The following VPS13B variants were observed in gnomAD, a reference collection of about 807,000 sequenced individuals.
VPS13B encodes the protein intermembrane lipid transfer protein VPS13B.
A neutral mutation model predicts 426.4 loss-of-function variants in VPS13B; 285 were observed. The observed-to-expected ratio is 0.67, with a 90% CI of 0.61 to 0.74. The LOEUF is 0.74. Among genes scored for constraint, VPS13B ranks in the 30% least tolerant of loss-of-function variants. The pLI is 0.00. For synonymous variants in VPS13B, 1,676 were observed against 1,676.4 expected (o/e 1.00, Z 0.01); for missense variants, 4,537 against 4,782.6 (o/e 0.95, Z 1.51).
intron 2 of VPS13B, among the ~76,000 whole-genome samples, chr8:99,025,284 T>C (rs1317241687): frequency 1.3e-5 from 2 of 152,168 alleles, no homozygotes; most frequent in East Asian, 3.8e-4. Context: ...AAAATTTTTT[T>C]CCCTTGCTTA....
intron 31 of VPS13B, among the ~76,000 whole-genome samples, chr8:99,565,811 A>G (rs976002578): frequency 2.0e-5 from 3 of 152,204 alleles, no homozygotes; most frequent in Non-Finnish European, 2.9e-5. Context: ...GAGGACGTCA[A>G]GCTAAGACCT....
At chr8:99,341,938 A>G (rs1279327140) in intron 19 of VPS13B, among the ~76,000 whole-genome samples, 2 of 152,206 alleles carry the variant, frequency 1.3e-5, no homozygotes, top group Middle Eastern at 3.2e-3. Flanking sequence ...TGGGGCTGGG[A>G]GAGTTTTCCA....
chr8:99,491,477 C>T (rs1222764143), intron 25 of VPS13B, among the ~76,000 whole-genome samples: 1 of 152,164 alleles, frequency 6.6e-6, no homozygotes, highest in Non-Finnish European at 1.5e-5. Context: ...ATTCCATTTT[C>T]CCCATACCTT....
At chr8:99,270,456 A>C (rs967707608) in intron 17 of VPS13B, among the ~76,000 whole-genome samples, 27 of 151,978 alleles carry the variant, frequency 1.8e-4, no homozygotes, top group Non-Finnish European at 3.4e-4. Context: ...TTATCAGAAG[A>C]TGTTTCAGAT....
intron 33 of VPS13B, among the ~76,000 whole-genome samples, chr8:99,640,010 T>TAAGAAGAAG (rs1459641340): frequency 5.4e-4 from 39 of 72,544 alleles, no homozygotes; most frequent in African/African-American, 1.8e-3. Context: ...ATAATAATAA[T>TAAGAAGAAG]AATAATAATA....
At chr8:99,700,419 G>A (rs937806872) in intron 36 of VPS13B, among the ~76,000 whole-genome samples, 3 of 152,232 alleles carry the variant, frequency 2.0e-5, no homozygotes, top group Non-Finnish European at 4.4e-5. Flanking sequence ...TGATTCTGAT[G>A]CACAGCATTA....
Position 99,828,394 on chromosome 8 carries a change from G to GCTTTTTTTTTTTTTTTTTTTTTTTTTTT in VPS13B, c.9331-3975_9331-3974insCTTTTTTTTTTTTTTTTTTTTTTTTTTT. On this transcript the variant is annotated intron_variant, in intron 51 of 61. Coordinates refer to ENST00000357162, the MANE Select transcript of VPS13B (RefSeq NM_152564.5). ...ATCAGAGACTAGGATTACAACCACC[G>GCTTTTTTTTTTTTTTTTTTTTTTTTTTT]TTTTTTTTTTTTTTTTTTTTTTTTT... Among the ~76,000 whole-genome samples the GCTTTTTTTTTTTTTTTTTTTTTTTTTTT allele has an allele frequency of 1.1e-4, 2 of 17,424 alleles. 1 individual carries two copies. The highest frequency in any genetic ancestry group is 2.1e-4 in the Non-Finnish European group (2 of 9,574). 11.4% of individuals were successfully genotyped at this position (17,424 alleles called of 152,430 possible). A position where few individuals can be genotyped will look rare whatever the true frequency, so the allele number is the denominator to read the frequency against.
At chr8:99,201,216 CTGAATT>C (rs568785243) in intron 17 of VPS13B, among the ~76,000 whole-genome samples, 232 of 152,062 alleles carry the variant, frequency 1.5e-3, no homozygotes, top group African/African-American at 5.2e-3. Flanking sequence ...TGTATCTGAC[CTGAATT>C]AAACTGTTAC....
intron 17 of VPS13B, among the ~76,000 whole-genome samples, chr8:99,209,942 G>T (rs1421245962): frequency 1.3e-5 from 2 of 152,002 alleles, no homozygotes; most frequent in Admixed American, 6.6e-5. Context: ...TGTAGGTTCT[G>T]TGGGTCTAAA....
intron 3 of VPS13B, among the ~76,000 whole-genome samples, chr8:99,054,631 G>A (rs1843735067): frequency 6.6e-6 from 1 of 152,066 alleles, no homozygotes; most frequent in Non-Finnish European, 1.5e-5. Flanking sequence ...AGAGTTCATT[G>A]CTTTATCTAA....
intron 2 of VPS13B, among the ~76,000 whole-genome samples, chr8:99,026,057 G>C (rs1842123288): frequency 6.6e-6 from 1 of 151,700 alleles, no homozygotes. Context: ...TGTTTGTTTT[G>C]TTCTTGCTTT....
At chr8:99,310,997 C>G (rs1337270393) in intron 19 of VPS13B, among the ~76,000 whole-genome samples, 1 of 152,170 alleles carries the variant, frequency 6.6e-6, no homozygotes, top group East Asian at 1.9e-4. Flanking sequence ...GTTTGTATTT[C>G]TGTGGGATCG....
chr8:99,414,170 C>G (rs1332116252), intron 21 of VPS13B, among the ~76,000 whole-genome samples: 1 of 151,516 alleles, frequency 6.6e-6, no homozygotes, highest in African/African-American at 2.4e-5. Flanking sequence ...TATGTAATGC[C>G]CTTCTTTGTC....
In VPS13B at chr8:99,859,269, G is replaced by A. The variant is rs1175207282; in HGVS notation, c.10868-35G>A. ...CAAATGTTGAAAGTTCTGCATTTGA[G>A]GTTTCAATCACCCCTTCCCTCTTGT... On this transcript the variant is annotated intron_variant, in intron 56 of 61. Coordinates refer to ENST00000357162, the MANE Select transcript of VPS13B (RefSeq NM_152564.5). The A allele has an allele frequency of 3.1e-6, 5 of 1,612,242 alleles. No individual in the cohort carries two copies. The East Asian group carries it at 1.1e-4, about 36-fold the overall frequency.
chr8:99,794,060 G>C (rs1349725622), intron 43 of VPS13B, among the ~76,000 whole-genome samples: 2 of 152,178 alleles, frequency 1.3e-5, no homozygotes, highest in Non-Finnish European at 2.9e-5. Flanking sequence ...AGGTATTTGA[G>C]ACTAGCCAGG....
intron 21 of VPS13B, among the ~76,000 whole-genome samples, chr8:99,420,064 C>G (rs1399011153): frequency 6.6e-6 from 1 of 152,054 alleles, no homozygotes; most frequent in Non-Finnish European, 1.5e-5. Flanking sequence ...AGTACTAAAC[C>G]TAACCTACTT....
intron 19 of VPS13B, among the ~76,000 whole-genome samples, chr8:99,311,343 G>A (rs1820962587): frequency 6.6e-6 from 1 of 152,204 alleles, no homozygotes; most frequent in Non-Finnish European, 1.5e-5. Context: ...TGCTTCAGAT[G>A]TGTCCCAGAG....
intron 33 of VPS13B, among the ~76,000 whole-genome samples, chr8:99,601,328 C>T (rs1224933661): frequency 3.3e-5 from 5 of 152,184 alleles, no homozygotes; most frequent in African/African-American, 1.2e-4. Flanking sequence ...AGGGCATGAA[C>T]TCATCATTTT....
At chr8:99,399,010 T>C (rs1443212493) in intron 21 of VPS13B, among the ~76,000 whole-genome samples, 1 of 152,070 alleles carries the variant, frequency 6.6e-6, no homozygotes, top group African/African-American at 2.4e-5. Flanking sequence ...CAAATGTCAT[T>C]TGAAAATATT....
Sources: allele counts gnomAD v4.1 joint callset (sites outside exome capture counted in the v4.1 genomes callset), GRCh38; gene constraint gnomAD v4.1.1; transcripts MANE v1.5; gene names NCBI Gene and HGNC (gene_info 2026-07-23, HGNC 2026-07-21).